DMXL1: variants seen among roughly 807,000 people sequenced by gnomAD.
DMXL1 encodes Dmx like 1, also known as dmX-like protein 1.
Under a neutral mutation model 319.2 loss-of-function variants are expected in DMXL1, and 99 were observed. The observed-to-expected ratio is 0.31, with a 90% confidence interval of 0.26 to 0.37. The LOEUF (loss-of-function observed/expected upper bound fraction) is 0.37, where lower values mean the gene tolerates loss of function less well. DMXL1 is among the 10% of genes least tolerant of loss of function. DMXL1 has a pLI of 1.00. For synonymous variants in DMXL1, 1,385 were observed against 1,235.2 expected, an observed-to-expected ratio of 1.12 and a Z score of -2.54; for missense variants, 3,745 against 3,595.6, an observed-to-expected ratio of 1.04 and a Z score of -1.06.
chr5:119,164,265 G>T (rs571577481), intron 19 of DMXL1, among the ~76,000 whole-genome samples: 1 of 152,014 alleles, frequency 6.6e-6, no homozygotes, highest in African/African-American at 2.4e-5. Flanking sequence ...AGTGGAATTT[G>T]CCATAAGCAT....
rs565012839 is a variant in DMXL1 at position 119,170,957 on chromosome 5, C to T, written c.6166C>T (p.Arg2056Cys). The change falls in exon 24 of 44, where the codon CGT (arginine) becomes TGT (cysteine). Residue 2056 changes from arginine to cysteine, a missense_variant. Coordinates refer to ENST00000539542, the MANE Select transcript of DMXL1 (RefSeq NM_001290321.3). ...TGYEIDGGKL[R>C]YQLYHWLEKE... Reference sequence around the variant, plus strand: ...CTATGAAATAGATGGTGGAAAATTGCGTTACCAACTATACCACTGGCTTGA... The same window carrying T: ...CTATGAAATAGATGGTGGAAAATTGTGTTACCAACTATACCACTGGCTTGA... 3.8e-5 allele frequency: 62 copies of T among 1,613,684 alleles called. No individual in the cohort carries two copies. Among genetic ancestry groups the T allele is most frequent in the Non-Finnish European group, 4.8e-5 (57 of 1,179,864 alleles).
Position 119,198,010 on chromosome 5 carries a change from A to G in DMXL1, c.7745+54A>G. 1.9e-6 allele frequency: 3 copies of G among 1,553,764 alleles called. No individual in the cohort carries two copies. In the South Asian group the frequency reaches 3.3e-5, roughly 17 times the overall value. ...TTTTTTTGTTTGTTTGTTTTTTGAG[A>G]TGGTGTCTCGCTCTGTCATCCGGGC... On this transcript the variant is annotated intron_variant, in intron 32 of 43. Coordinates refer to ENST00000539542, the MANE Select transcript of DMXL1 (RefSeq NM_001290321.3).
At chr5:119,160,551 A>C (rs1772059923) in intron 19 of DMXL1, among the ~76,000 whole-genome samples, 1 of 152,200 alleles carries the variant, frequency 6.6e-6, no homozygotes. Context: ...TTTTAGGTAC[A>C]TTTGGTCTAA....
rs542528296 is a variant in DMXL1, at chr5:119,132,688, A to G, written c.1316-444A>G. ...AGACTCCGTCTCAAAAAAAAAAAAA[A>G]AATGGAGCAAGTCCCTTTTCTGGGT... On this transcript the variant is annotated intron_variant, in intron 10 of 43. Transcript: ENST00000539542. 3 of 445,078 alleles carry G rather than the reference A, an allele frequency of 6.7e-6. No individual in the cohort carries two copies. In the East Asian group the frequency reaches 1.8e-4, roughly 27 times the overall value. 27.6% of individuals were successfully genotyped at this position (445,078 alleles called of 1,614,324 possible). A position where few individuals can be genotyped will look rare whatever the true frequency, so the allele number is the denominator to read the frequency against.
In DMXL1 at chr5:119,198,031, C is replaced by T. The variant is rs796474554; in HGVS notation, c.7745+75C>T. 6.8e-5 allele frequency: 97 copies of T among 1,433,288 alleles called. No individual in the cohort carries two copies. The African/African-American group carries it at 8.3e-4, about 12-fold the overall frequency. 88.8% of individuals were successfully genotyped at this position (1,433,288 alleles called of 1,614,324 possible). A position where few individuals can be genotyped will look rare whatever the true frequency, so the allele number is the denominator to read the frequency against. On this transcript the variant is annotated intron_variant, in intron 32 of 43. Transcript: ENST00000539542. ...TGAGATGGTGTCTCGCTCTGTCATC[C>T]GGGCTGGAGTGCAGTGGCACAATCT...
intron 23 of DMXL1, among the ~76,000 whole-genome samples, chr5:119,168,448 C>T (rs1172218537): frequency 2.0e-5 from 3 of 152,076 alleles, no homozygotes; most frequent in Admixed American, 2.0e-4. Flanking sequence ...GATATGTTTT[C>T]ATAGATTGAA....
At chr5:119,125,210 A>C (rs1486324249) in intron 9 of DMXL1, among the ~76,000 whole-genome samples, 1 of 152,206 alleles carries the variant, frequency 6.6e-6, no homozygotes, top group African/African-American at 2.4e-5. Flanking sequence ...AATATAGCTA[A>C]ATACAGAATG....
At chr5:119,097,689 C>G (rs1273332832) in intron 1 of DMXL1, among the ~76,000 whole-genome samples, 1 of 152,108 alleles carries the variant, frequency 6.6e-6, no homozygotes, top group African/African-American at 2.4e-5. Flanking sequence ...TGCACTCCAG[C>G]CTGGGCGACA....
At position 119,133,479 on chromosome 5, in the gene DMXL1, C is replaced by T. The variant is rs571466975; in HGVS notation, c.1570-15C>T. On this transcript the variant is annotated splice_polypyrimidine_tract_variant and intron_variant, in intron 11 of 43. Transcript: ENST00000539542. ...ATAATTTTATATGTTCTAACACTTG[C>T]TTTCTTGATTCTAGGTGTCCTTTGT... The T allele has an allele frequency of 7.5e-6, 12 of 1,591,806 alleles. No individual in the cohort carries two copies. Among genetic ancestry groups the T allele is most frequent in the Non-Finnish European group, 1.0e-5 (12 of 1,172,302 alleles).
intron 1 of DMXL1, among the ~76,000 whole-genome samples, chr5:119,082,716 G>T (rs902671937): frequency 1.3e-5 from 2 of 152,214 alleles, no homozygotes; most frequent in Non-Finnish European, 2.9e-5. Flanking sequence ...TTGTGTTTAT[G>T]CTAGAACTAT....
rs2150137350 is a variant in DMXL1 at position 119,149,372 on chromosome 5, C to T, written c.3545C>T (p.Ala1182Val). The T allele has an allele frequency of 6.2e-7, 1 of 1,613,872 alleles. No individual in the cohort carries two copies. The highest frequency in any genetic ancestry group is 8.5e-7 in the Non-Finnish European group (1 of 1,179,838). The change falls in exon 18 of 44, where the codon GCA (alanine) becomes GTA (valine). Residue 1182 changes from alanine to valine, a missense_variant. Around this residue, in one of 4 missense-constraint regions of DMXL1, gnomAD observed 2,096 missense variants for 1,985.4 expected, o/e 1.06. Transcript: ENST00000539542. ...VQDQTGKETL[A>V]FPLWESTKVV... ...GACCAAACTGGTAAGGAAACCCTGG[C>T]ATTTCCTCTCTGGGAGAGTACCAAA...
At chr5:119,132,237 A>C (rs1011003425) in intron 10 of DMXL1, among the ~76,000 whole-genome samples, 1 of 152,212 alleles carries the variant, frequency 6.6e-6, no homozygotes, top group Non-Finnish European at 1.5e-5. Flanking sequence ...AATTATGTCT[A>C]TAGGCTCTTT....
chr5:119,166,153 C>G (rs1386325961), intron 21 of DMXL1, among the ~76,000 whole-genome samples: 1 of 152,124 alleles, frequency 6.6e-6, no homozygotes, highest in Non-Finnish European at 1.5e-5. Context: ...TTCCAGATGA[C>G]CCACATGAAC....
chr5:119,100,280 A>G (rs1166641576), intron 2 of DMXL1, among the ~76,000 whole-genome samples: 9 of 151,898 alleles, frequency 5.9e-5, no homozygotes, highest in Non-Finnish European at 1.3e-4. Flanking sequence ...AAATAAAAAA[A>G]AAAACATTAG....
chr5:119,139,358 G>A (rs1419482434), intron 13 of DMXL1, among the ~76,000 whole-genome samples: 5 of 151,876 alleles, frequency 3.3e-5, no homozygotes, highest in Non-Finnish European at 7.4e-5. Flanking sequence ...AAAAAACAAT[G>A]GTATGTGGTC....
In DMXL1 at chr5:119,166,697, T is replaced by C; in HGVS notation, c.5052T>C (p.Asn1684=). ...GGTGGCGTAAAGCAGCTTTAAAGAA[T>C]GCTTTTTCTTTGCTAGGCAAACAAA... The part of the protein sequence containing the change: ...DERWRKAALK[N]AFSLLGKQRF... The change falls in exon 22 of 44, where the codon AAT becomes AAC. Residue 1684 remains asparagine, a synonymous_variant. Transcript: ENST00000539542. The C allele has an allele frequency of 8.7e-6, 14 of 1,613,316 alleles. No individual in the cohort carries two copies. Among genetic ancestry groups the C allele is most frequent in the South Asian group, 2.2e-5 (2 of 90,964 alleles).
At chr5:119,206,567 G>A (rs939083319) in intron 33 of DMXL1, 7 of 243,172 alleles carry the variant, frequency 2.9e-5, no homozygotes, top group Non-Finnish European at 5.5e-5. Flanking sequence ...TCAACATTTC[G>A]AAATTGAGTA....
At chr5:119,093,445 A>G (rs563338808) in intron 1 of DMXL1, among the ~76,000 whole-genome samples, 3 of 152,186 alleles carry the variant, frequency 2.0e-5, no homozygotes, top group South Asian at 4.2e-4. Flanking sequence ...CCCTTTTAAA[A>G]TTATTATTAT....
At chr5:119,077,275 A>G (rs1049149736) in intron 1 of DMXL1, among the ~76,000 whole-genome samples, 7 of 151,478 alleles carry the variant, frequency 4.6e-5, no homozygotes, top group African/African-American at 1.5e-4. Flanking sequence ...CCCAGTGATT[A>G]TAGATCTTTT....
Sources: allele counts gnomAD v4.1 joint callset (sites outside exome capture counted in the v4.1 genomes callset), GRCh38; gene constraint gnomAD v4.1.1; regional missense constraint gnomAD v4.1.1; transcripts MANE v1.5; gene names NCBI Gene and HGNC (gene_info 2026-07-23, HGNC 2026-07-21).